The following SLC25A46 variants were observed in gnomAD, a reference collection of about 807,000 sequenced individuals.
SLC25A46 encodes solute carrier family 25 member 46.
In SLC25A46, 39 loss-of-function variants were observed where a neutral mutation model predicts 44.6. The observed-to-expected ratio is 0.87, with a 90% CI of 0.68 to 1.14. SLC25A46 has a LOEUF of 1.14. Among genes scored for constraint, SLC25A46 ranks in the 50% most tolerant of loss-of-function variants. The pLI, the probability that SLC25A46 is intolerant of heterozygous loss-of-function variation, is 0.00. For missense variants in SLC25A46, 547 were observed against 522.7 expected (o/e 1.05, Z -0.45); for synonymous variants, 202 against 185.8 (o/e 1.09, Z -0.71).
At chr5:110,747,163 T>C (rs375039732) in intron 4 of SLC25A46, among the ~76,000 whole-genome samples, 18 of 152,292 alleles carry the variant, frequency 1.2e-4, no homozygotes, top group African/African-American at 4.1e-4. Context: ...AAAATATATA[T>C]ACAAGGATGT....
rs1445933845 is a variant in SLC25A46 at position 110,739,415 on chromosome 5, G to A, written c.283+13G>A. ...GGGCAGAGCAGTGGTGAGAAGCATGGGGACCGACACAGGGATGAGGGGTTA... is the reference window on the plus strand; with the variant it reads ...GGGCAGAGCAGTGGTGAGAAGCATGAGGACCGACACAGGGATGAGGGGTTA... On this transcript the variant is annotated intron_variant, in intron 1 of 7. Coordinates refer to ENST00000355943, the MANE Select transcript of SLC25A46 (RefSeq NM_138773.4). 4 of 1,537,054 alleles carry A rather than the reference G, an allele frequency of 2.6e-6. No individual in the cohort carries two copies. Among genetic ancestry groups the A allele is most frequent in the South Asian group, 2.4e-5 (2 of 83,968 alleles).
intron 2 of SLC25A46, among the ~76,000 whole-genome samples, chr5:110,742,556 G>A (rs1283111654): frequency 6.6e-6 from 1 of 151,806 alleles, no homozygotes; most frequent in Non-Finnish European, 1.5e-5. Flanking sequence ...CAGTGATCTA[G>A]TTTCATTTTA....
In SLC25A46 at chr5:110,762,480, C is replaced by CA. The variant is rs1182877106; in HGVS notation, c.*702dup. ...AGTCACGCGCTTTCTGCTTGAACAT[C>CA]AAAATATCAAAAACCAAGGTACCCA... On this transcript the variant is annotated 3_prime_UTR_variant, in exon 8 of 8. Coordinates refer to ENST00000355943, the MANE Select transcript of SLC25A46 (RefSeq NM_138773.4). The CA allele has an allele frequency of 6.6e-6, 1 of 151,644 alleles. No individual in the cohort carries two copies. The highest frequency in any genetic ancestry group is 1.5e-5 in the Non-Finnish European group (1 of 67,868). The allele number at this position is 151,644 out of a possible 1,614,324, so 9.4% of individuals were successfully genotyped here.
At chr5:110,742,221 T>G (rs1295868705) in intron 2 of SLC25A46, 132 bp downstream of exon 2, 1 of 577,398 alleles carries the variant, frequency 1.7e-6, no homozygotes, top group Non-Finnish European at 2.9e-6. Context: ...AAATTTTGAA[T>G]AATATTTTGC....
chr5:110,756,884 T>C, intron 7 of SLC25A46, 125 bp downstream of exon 7: 3 of 529,050 alleles, frequency 5.7e-6, no homozygotes, highest in African/African-American at 2.0e-5. Context: ...ATTTATTTTA[T>C]AAATATCACA....
Position 110,763,407 on chromosome 5 carries a change from C to G in SLC25A46, c.*1625C>G, listed in dbSNP as rs563305480. ...GTGTGTGTGTGTGTAGTTACTGAAA[C>G]ACCTACATTTTCCATTTTTAAATTC... On this transcript the variant is annotated 3_prime_UTR_variant, in exon 8 of 8. Coordinates refer to ENST00000355943, the MANE Select transcript of SLC25A46 (RefSeq NM_138773.4). 1.3e-5 allele frequency: 2 copies of G among 151,730 alleles called. No homozygotes were observed. Among genetic ancestry groups the G allele is most frequent in the East Asian group, 3.9e-4 (2 of 5,172 alleles). The allele number at this position is 151,730 out of a possible 1,614,324, so 9.4% of individuals were successfully genotyped here.
At chr5:110,746,373 A>C (rs979993133) in intron 4 of SLC25A46, 27 bp downstream of exon 4, 1 of 1,480,818 alleles carries the variant, frequency 6.8e-7, no homozygotes, top group Non-Finnish European at 9.2e-7. Context: ...GATTCTATTA[A>C]AGGTTTATAT....
chr5:110,739,942 AG>A (rs1208580676), intron 1 of SLC25A46, among the ~76,000 whole-genome samples: 2 of 152,026 alleles, frequency 1.3e-5, no homozygotes, highest in East Asian at 1.9e-4. Flanking sequence ...AAAAAAAAAA[AG>A]TTTCCTTCCT....
At position 110,739,161 on chromosome 5, in the gene SLC25A46, C is replaced by T. The variant is rs771761288; in HGVS notation, c.42C>T (p.Tyr14=). 29 of 1,549,874 alleles carry T rather than the reference C, an allele frequency of 1.9e-5. No individual in the cohort carries two copies. The South Asian group carries it at 3.3e-4, about 18-fold the overall frequency. The change falls in exon 1 of 8, where the codon TAC becomes TAT. Residue 14 remains tyrosine (Y), a synonymous_variant. Transcript: ENST00000355943. ...RRPDGFDGLG[Y]RGGARDEQGF... is the part of the protein sequence containing the mutation. The stretch of plus-strand genomic sequence containing the variant: ...CGGACGGATTTGATGGCTTGGGCTA[C>T]CGGGGTGGTGCCCGGGACGAGCAGG...
At chr5:110,749,346 GA>G (rs1167297991) in intron 5 of SLC25A46, among the ~76,000 whole-genome samples, 1 of 151,644 alleles carries the variant, frequency 6.6e-6, no homozygotes, top group Non-Finnish European at 1.5e-5. Context: ...AAAAAAAATA[GA>G]AAATTGAAGC....
At chr5:110,747,631 T>G (rs989109527) in intron 4 of SLC25A46, among the ~76,000 whole-genome samples, 1 of 152,098 alleles carries the variant, frequency 6.6e-6, no homozygotes, top group Non-Finnish European at 1.5e-5. Flanking sequence ...CAAATTGATA[T>G]AAAGTAATAG....
chr5:110,744,407 C>T (rs1028877131), intron 3 of SLC25A46, among the ~76,000 whole-genome samples: 1 of 152,174 alleles, frequency 6.6e-6, no homozygotes, highest in South Asian at 2.1e-4. Flanking sequence ...ATCCATTTAA[C>T]TATACTGCAT....
chr5:110,756,845 C>A, intron 7 of SLC25A46, 86 bp downstream of exon 7: 1 of 860,706 alleles, frequency 1.2e-6, no homozygotes. Flanking sequence ...AACATTTCAG[C>A]AGAAAATTTT....
chr5:110,756,719 C>A lies in SLC25A46; in HGVS notation c.638C>A (p.Ala213Glu). 1.9e-6 allele frequency: 3 copies of A among 1,571,456 alleles called. No homozygotes were observed. Among genetic ancestry groups the A allele is most frequent in the Non-Finnish European group, 2.6e-6 (3 of 1,165,124 alleles). The change falls in exon 7 of 8, where the codon GCA (alanine) becomes GAA (glutamate). Residue 213 changes from alanine (A) to glutamate (E), a missense_variant. Transcript: ENST00000355943. ...LLLKSLTYVV[A>E]MPFYSASLIE... is the part of the protein sequence containing the mutation. The stretch of plus-strand genomic sequence containing the variant: ...TTCTATAGCCTAACTTACGTGGTGG[C>A]AATGCCTTTTTATTCAGCAAGTCTG...
chr5:110,744,025 T>G (rs1025582251), intron 3 of SLC25A46, among the ~76,000 whole-genome samples: 1 of 152,188 alleles, frequency 6.6e-6, no homozygotes, highest in African/African-American at 2.4e-5. Context: ...TGGGAAAATT[T>G]CAATGCATCT....
intron 5 of SLC25A46, among the ~76,000 whole-genome samples, chr5:110,750,197 GAAACA>G (rs1799929149): frequency 2.4e-5 from 3 of 127,034 alleles, no homozygotes; most frequent in Non-Finnish European, 4.9e-5. Flanking sequence ...TAAAACGTTT[GAAACA>G]AAACAAAGAT....
At chr5:110,750,890 A>G (rs1799951908) in intron 5 of SLC25A46, among the ~76,000 whole-genome samples, 1 of 152,162 alleles carries the variant, frequency 6.6e-6, no homozygotes, top group African/African-American at 2.4e-5. Flanking sequence ...AGATGAAGGA[A>G]TAACATTAAT....
intron 4 of SLC25A46, 102 bp downstream of exon 4, chr5:110,746,448 CATCTT>C: frequency 2.7e-6 from 2 of 734,728 alleles, no homozygotes; most frequent in Non-Finnish European, 4.5e-6. Context: ...GTCAATAAAA[CATCTT>C]AACTGTTGTA....
At chr5:110,745,280 G>C (rs933430992) in intron 3 of SLC25A46, among the ~76,000 whole-genome samples, 11 of 151,958 alleles carry the variant, frequency 7.2e-5, no homozygotes, top group African/African-American at 2.7e-4. Context: ...TTGAGACGGA[G>C]TCTCGCTCTG....
Sources: allele counts gnomAD v4.1 joint callset (sites outside exome capture counted in the v4.1 genomes callset), GRCh38; gene constraint gnomAD v4.1.1; transcripts MANE v1.5; gene names NCBI Gene and HGNC (gene_info 2026-07-23, HGNC 2026-07-21).